The following TNRC6B variants were observed in gnomAD, a reference collection of about 807,000 sequenced individuals.
TNRC6B encodes the protein trinucleotide repeat-containing gene 6B protein.
In TNRC6B, 52 loss-of-function variants were observed where a neutral mutation model predicts 203.6. The observed-to-expected ratio is 0.26, with a 90% CI of 0.20 to 0.32. TNRC6B has a LOEUF of 0.32. Among genes scored for constraint, TNRC6B ranks in the 10% least tolerant of loss-of-function variants. TNRC6B has a pLI of 1.00. For synonymous variants in TNRC6B, 838 were observed against 845.7 expected (o/e 0.99, Z 0.16); for missense variants, 1,923 against 2,286.2 (o/e 0.84, Z 3.24).
At chr22:40,237,871 T>TTG (rs2069969788) in intron 1 of TNRC6B, among the ~76,000 whole-genome samples, 1 of 151,668 alleles carries the variant, frequency 6.6e-6, no homozygotes, top group Non-Finnish European at 1.5e-5. Flanking sequence ...TTGCCTGGCG[T>TTG]TGTGTGTGTG....
chr22:40,313,306 GA>G (rs1199017430), intron 19 of TNRC6B, among the ~76,000 whole-genome samples: 1 of 152,096 alleles, frequency 6.6e-6, no homozygotes, highest in African/African-American at 2.4e-5. Context: ...AGGCTGCCAA[GA>G]AGTCAAGGGT....
intron 1 of TNRC6B, chr22:40,107,063 C>T (rs769842181): frequency 6.2e-6 from 5 of 802,244 alleles, no homozygotes; most frequent in African/African-American, 5.1e-5. Flanking sequence ...CTACACCCTC[C>T]GTGGTTCCAG....
chr22:40,145,598 C>T (rs2068687294), intron 3 of TNRC6B, among the ~76,000 whole-genome samples: 1 of 152,116 alleles, frequency 6.6e-6, no homozygotes, highest in African/African-American at 2.4e-5. Context: ...AATCCCAGCA[C>T]TTTGGGAGGC....
intron 1 of TNRC6B, among the ~76,000 whole-genome samples, chr22:40,064,107 A>C (rs6001740): frequency 0.37 from 56,021 of 152,102 alleles, 15,114 homozygotes; most frequent in African/African-American, 0.77. Flanking sequence ...TTGTATCCTG[A>C]AAACTTGCTG....
At chr22:40,116,909 C>G (rs2068392302) in intron 1 of TNRC6B, 1 of 152,258 alleles carries the variant, frequency 6.6e-6, no homozygotes, top group Non-Finnish European at 1.5e-5. Context: ...GTTGAGGAAG[C>G]TGAGCTCTGA....
At position 40,178,088 on chromosome 22, in the gene TNRC6B, T is replaced by C. The variant is rs1249293795; in HGVS notation, c.-48T>C. 1.9e-6 allele frequency: 3 copies of C among 1,601,850 alleles called. No individual in the cohort carries two copies. Among genetic ancestry groups the C allele is most frequent in the East Asian group, 4.5e-5 (2 of 44,758 alleles). Reference sequence around the variant, plus strand: ...TTTTGGACCTTTTTTCATTTCCATTTCTACCTTGTATGCCTCAATTTGCTG... The same window carrying C: ...TTTTGGACCTTTTTTCATTTCCATTCCTACCTTGTATGCCTCAATTTGCTG... On this transcript the variant is annotated 5_prime_UTR_variant, in exon 1 of 23. Transcript: ENST00000454349.
At chr22:40,169,143 T>G (rs1033834084) in intron 4 of TNRC6B, among the ~76,000 whole-genome samples, 1 of 149,462 alleles carries the variant, frequency 6.7e-6, no homozygotes, top group Non-Finnish European at 1.5e-5. Flanking sequence ...TTTTTTTTTT[T>G]TTTTTTTGAG....
intron 12 of TNRC6B, among the ~76,000 whole-genome samples, chr22:40,299,570 TAA>T (rs1015546341): frequency 1.3e-5 from 2 of 152,126 alleles, no homozygotes; most frequent in African/African-American, 4.8e-5. Context: ...TTTATTTTTT[TAA>T]AGAGATGATA....
intron 1 of TNRC6B, among the ~76,000 whole-genome samples, chr22:40,097,740 A>G (rs904891079): frequency 1.3e-5 from 2 of 152,068 alleles, no homozygotes; most frequent in Admixed American, 6.6e-5. Flanking sequence ...TATACATTAT[A>G]TATACACGCA....
At chr22:40,301,693 T>G (rs1428070516) in intron 15 of TNRC6B, among the ~76,000 whole-genome samples, 2 of 152,206 alleles carry the variant, frequency 1.3e-5, no homozygotes, top group Non-Finnish European at 2.9e-5. Context: ...AATACTCCAT[T>G]GTGCAGATAT....
At chr22:40,251,893 C>T (rs529613568) in intron 3 of TNRC6B, among the ~76,000 whole-genome samples, 428 of 152,148 alleles carry the variant, frequency 2.8e-3, no homozygotes, top group African/African-American at 8.8e-3. Flanking sequence ...GAATATTGCA[C>T]CTAGGATGTT....
intron 1 of TNRC6B, among the ~76,000 whole-genome samples, chr22:40,079,988 G>C (rs1225717562): frequency 6.6e-6 from 1 of 151,898 alleles, no homozygotes; most frequent in South Asian, 2.1e-4. Flanking sequence ...GTAGAGATGG[G>C]GTTTCACTGT....
chr22:40,070,525 TTAAAA>T, intron 1 of TNRC6B, among the ~76,000 whole-genome samples: 1 of 152,304 alleles, frequency 6.6e-6, no homozygotes, highest in African/African-American at 2.4e-5. Flanking sequence ...CAGAAAGAAG[TTAAAA>T]TAAGACTTAA....
chr22:40,320,301 G>A (rs559892097), intron 21 of TNRC6B, among the ~76,000 whole-genome samples: 1 of 152,236 alleles, frequency 6.6e-6, no homozygotes, highest in South Asian at 2.1e-4. Context: ...CCAACATGGT[G>A]AAACCCTGTC....
intron 3 of TNRC6B, among the ~76,000 whole-genome samples, chr22:40,127,637 C>G (rs569369971): frequency 6.6e-6 from 1 of 152,018 alleles, no homozygotes; most frequent in Non-Finnish European, 1.5e-5. Flanking sequence ...TTTGGGAGTC[C>G]GAGGTGGGCA....
At chr22:40,072,627 GC>G (rs2067961117) in intron 1 of TNRC6B, among the ~76,000 whole-genome samples, 1 of 152,134 alleles carries the variant, frequency 6.6e-6, no homozygotes, top group East Asian at 1.9e-4. Context: ...ACTTTGGGAA[GC>G]CCAGGAGGGC....
At chr22:40,159,698 C>A (rs1157852221) in intron 4 of TNRC6B, among the ~76,000 whole-genome samples, 1 of 151,990 alleles carries the variant, frequency 6.6e-6, no homozygotes, top group Non-Finnish European at 1.5e-5. Flanking sequence ...CCCTTCCCTT[C>A]CTAATCTTCC....
At chr22:40,097,068 T>C (rs1467900120) in intron 1 of TNRC6B, among the ~76,000 whole-genome samples, 3 of 152,186 alleles carry the variant, frequency 2.0e-5, no homozygotes, top group Non-Finnish European at 4.4e-5. Flanking sequence ...ACCCTGGTGA[T>C]GGGTGAGGTG....
intron 11 of TNRC6B, among the ~76,000 whole-genome samples, chr22:40,283,938 G>A (rs1390385917): frequency 2.0e-5 from 3 of 152,204 alleles, no homozygotes; most frequent in South Asian, 2.1e-4. Context: ...AGGACCAGTC[G>A]TGAATAATTG....
Sources: gnomAD v4.1 joint callset for allele counts (sites outside exome capture counted in the v4.1 genomes callset) on GRCh38, gnomAD v4.1.1 for gene constraint, MANE v1.5 for transcripts, NCBI Gene and HGNC (gene_info 2026-07-23, HGNC 2026-07-21) for gene names.